ADAM22: variants seen among roughly 807,000 people sequenced by gnomAD.
The protein encoded by ADAM22 is disintegrin and metalloproteinase domain-containing protein 22.
ADAM22 carries 65 observed loss-of-function variants against 144.6 expected under a neutral mutation model. That is an observed-to-expected ratio of 0.45 (90% CI 0.37 to 0.55). ADAM22 has a LOEUF of 0.55. Among genes scored for constraint, ADAM22 ranks in the 20% least tolerant of loss-of-function variants. The pLI is 0.00. For missense variants in ADAM22, 974 were observed against 1,184.9 expected (o/e 0.82, Z 2.61); for synonymous variants, 391 against 412.6 (o/e 0.95, Z 0.63).
chr7:88,064,135 A>G (rs978151407), intron 3 of ADAM22, among the ~76,000 whole-genome samples: 1 of 152,200 alleles, frequency 6.6e-6, no homozygotes, highest in Admixed American at 6.5e-5. Flanking sequence ...TGTAGCCAAG[A>G]AAATATTGGA....
chr7:87,962,605 A>G (rs1035989990), intron 2 of ADAM22, among the ~76,000 whole-genome samples: 3 of 152,126 alleles, frequency 2.0e-5, no homozygotes, highest in Non-Finnish European at 4.4e-5. Flanking sequence ...TTATGGAGCT[A>G]GAACATTCTG....
intron 26 of ADAM22, among the ~76,000 whole-genome samples, chr7:88,176,932 T>G (rs1197142913): frequency 6.6e-6 from 1 of 152,082 alleles, no homozygotes. Context: ...ACCCAGCTAA[T>G]TTTTGTATTT....
chr7:87,976,174 A>T (rs1208550556), intron 2 of ADAM22, among the ~76,000 whole-genome samples: 1 of 152,166 alleles, frequency 6.6e-6, no homozygotes, highest in Non-Finnish European at 1.5e-5. Flanking sequence ...AGTGAGGAGG[A>T]GATGAGGAGG....
At chr7:88,180,733 A>G (rs1173285991) in intron 27 of ADAM22, among the ~76,000 whole-genome samples, 2 of 152,132 alleles carry the variant, frequency 1.3e-5, no homozygotes, top group African/African-American at 2.4e-5. Context: ...ATTCTTAAGC[A>G]GTTAAAAGTT....
intron 3 of ADAM22, among the ~76,000 whole-genome samples, chr7:88,073,909 A>C (rs1259980905): frequency 1.3e-5 from 2 of 152,240 alleles, no homozygotes; most frequent in African/African-American, 4.8e-5. Flanking sequence ...ACAAACAGTC[A>C]TGAGTTCTGT....
chr7:87,994,318 G>C (rs1790591926), intron 3 of ADAM22, among the ~76,000 whole-genome samples: 1 of 151,990 alleles, frequency 6.6e-6, no homozygotes, highest in Admixed American at 6.6e-5. Flanking sequence ...CCGCCACCAC[G>C]CCCGGCTAAT....
At chr7:87,995,247 A>G (rs1308467190) in intron 3 of ADAM22, among the ~76,000 whole-genome samples, 1 of 152,186 alleles carries the variant, frequency 6.6e-6, no homozygotes, top group Non-Finnish European at 1.5e-5. Flanking sequence ...ATTTTCTTTC[A>G]TGAACACCGT....
At chr7:87,952,736 C>T (rs941575231) in intron 2 of ADAM22, among the ~76,000 whole-genome samples, 1 of 152,106 alleles carries the variant, frequency 6.6e-6, no homozygotes, top group African/African-American at 2.4e-5. Context: ...CCTCCTTGTA[C>T]CTCTGGTAGA....
At chr7:87,944,886 G>A (rs568150221) in intron 2 of ADAM22, among the ~76,000 whole-genome samples, 13 of 109,452 alleles carry the variant, frequency 1.2e-4, no homozygotes, top group African/African-American at 2.6e-4. Flanking sequence ...TTAAGTATTC[G>A]GTTCCTCCTC....
Position 88,131,306 on chromosome 7 carries a change from T to G in ADAM22, c.863T>G (p.Val288Gly). The change falls in exon 11 of 32, where the codon GTT becomes GGT. Residue 288 changes from valine (V) to glycine (G), a missense_variant. Physicochemically the swap from Val to Gly is moderately radical, Grantham distance 109. Transcript: ENST00000413139. ...CAACTTAAGACCAGGATAGTATTGG[T>G]TGCTATGGAAACCTGGGCGACTGAC... The part of the protein sequence containing the change: ...KDQLKTRIVL[V>G]AMETWATDNK... 6.2e-7 allele frequency: 1 copy of G among 1,613,810 alleles called. No individual in the cohort carries two copies. The highest frequency in any genetic ancestry group is 1.1e-5 in the South Asian group (1 of 91,064).
At chr7:87,961,267 C>T (rs940231292) in intron 2 of ADAM22, among the ~76,000 whole-genome samples, 6 of 151,978 alleles carry the variant, frequency 3.9e-5, no homozygotes, top group Non-Finnish European at 8.8e-5. Context: ...CAGAGTATAT[C>T]GGTCAAATAT....
chr7:88,140,274 G>A lies in ADAM22; in HGVS notation c.1221-2752G>A, dbSNP rs116897120. Among the ~76,000 whole-genome samples the A allele has an allele frequency of 3.5e-3, 539 of 151,968 alleles. 14 individuals are homozygous for A. The East Asian group carries it at 0.047, about 13-fold the overall frequency. ...GGACAAACATCCAAACTTTATCATC[G>A]TGTCTGCTGCTTGATTCAGTCCCTG... On this transcript the variant is annotated intron_variant, in intron 14 of 31. Coordinates refer to ENST00000413139, the MANE Select transcript of ADAM22 (RefSeq NM_001324418.2).
At chr7:88,181,720 G>A (rs1847073674) in intron 28 of ADAM22, 115 bp downstream of exon 28, 7 of 943,222 alleles carry the variant, frequency 7.4e-6, no homozygotes, top group Non-Finnish European at 1.1e-5. Context: ...TCCCAACAGA[G>A]AGGAGAATAT....
At chr7:88,130,257 C>A in intron 9 of ADAM22, 131 bp from the exon 10 acceptor site, 1 of 678,372 alleles carries the variant, frequency 1.5e-6, no homozygotes, top group Non-Finnish European at 2.4e-6. Context: ...ACAGACAACA[C>A]ATTTTTACAG....
intron 4 of ADAM22, among the ~76,000 whole-genome samples, chr7:88,096,258 A>C (rs1200489725): frequency 1.3e-5 from 2 of 151,100 alleles, no homozygotes; most frequent in Non-Finnish European, 2.9e-5. Context: ...CCAAAGAACC[A>C]GCTTTACTTT....
At chr7:88,115,520 C>CAG (rs142773750) in intron 6 of ADAM22, among the ~76,000 whole-genome samples, 2,466 of 150,374 alleles carry the variant, frequency 0.016, 60 homozygotes, top group African/African-American at 0.056. Context: ...TCTCACATGG[C>CAG]AGAGAGAGAG....
At chr7:87,945,658 G>A (rs958267642) in intron 2 of ADAM22, among the ~76,000 whole-genome samples, 9 of 151,676 alleles carry the variant, frequency 5.9e-5, no homozygotes, top group Non-Finnish European at 1.0e-4. Flanking sequence ...GATTACAGGC[G>A]CCTGCCACCG....
Position 88,172,079 on chromosome 7 carries a change from A to T in ADAM22, c.2300+518A>T, listed in dbSNP as rs941684342. On this transcript the variant is annotated intron_variant, in intron 26 of 31. Coordinates refer to ENST00000413139, the MANE Select transcript of ADAM22 (RefSeq NM_001324418.2). ...GAGCCTGTTTATCTCTGCATAAGGA[A>T]TTTTTTGTATTGATTAGGTAACTGC... Among the ~76,000 whole-genome samples, 9 of 151,922 alleles carry T rather than the reference A, an allele frequency of 5.9e-5. No individual in the cohort carries two copies. In the South Asian group the frequency reaches 1.2e-3, roughly 21 times the overall value.
intron 13 of ADAM22, among the ~76,000 whole-genome samples, chr7:88,135,048 C>T (rs1049046054): frequency 7.9e-5 from 12 of 151,532 alleles, no homozygotes; most frequent in African/African-American, 2.2e-4. Context: ...CTGAGGCAGG[C>T]GGGTGGATCA....
Sources: gnomAD v4.1 joint callset for allele counts (sites outside exome capture counted in the v4.1 genomes callset) on GRCh38, gnomAD v4.1.1 for gene constraint, MANE v1.5 for transcripts, NCBI Gene and HGNC (gene_info 2026-07-23, HGNC 2026-07-21) for gene names.